Variants in KCNIP4 observed in about 807,000 individuals in gnomAD.
The protein encoded by KCNIP4 is Kv channel-interacting protein 4.
KCNIP4 carries 12 observed loss-of-function variants against 34.0 expected under a neutral mutation model. The ratio of observed to expected loss-of-function variants is 0.35; its 90% CI spans 0.23 to 0.57. The LOEUF is 0.57. KCNIP4 is among the 20% of genes least tolerant of loss of function. The probability of loss-of-function intolerance (pLI) is 0.83; values close to 1 mark genes in which losing one functional copy is unlikely to be tolerated. For missense variants in KCNIP4, 238 were observed against 311.7 expected (o/e 0.76, Z 1.78); for synonymous variants, 124 against 102.2 (o/e 1.21, Z -1.29).
At chr4:21,298,597 C>T (rs16870742) in intron 1 of KCNIP4, among the ~76,000 whole-genome samples, 19,634 of 152,100 alleles carry the variant, frequency 0.13, 1,650 homozygotes, top group African/African-American at 0.24. Flanking sequence ...CAGATCGACT[C>T]TCAGTTTGAG....
intron 1 of KCNIP4, among the ~76,000 whole-genome samples, chr4:21,218,467 T>C (rs1056929537): frequency 1.3e-5 from 2 of 152,166 alleles, no homozygotes; most frequent in Non-Finnish European, 2.9e-5. Context: ...TTATAGATTC[T>C]AGATAAAACT....
At chr4:21,228,928 A>G (rs1383566392) in intron 1 of KCNIP4, among the ~76,000 whole-genome samples, 4 of 152,122 alleles carry the variant, frequency 2.6e-5, no homozygotes, top group African/African-American at 9.7e-5. Flanking sequence ...AGCTCTGAAC[A>G]CACCATTACT....
chr4:21,677,944 G>A (rs1750036614), intron 1 of KCNIP4, among the ~76,000 whole-genome samples: 2 of 152,108 alleles, frequency 1.3e-5, no homozygotes, highest in Non-Finnish European at 2.9e-5. Flanking sequence ...TAGAGACGGG[G>A]TTTCGCCATG....
chr4:21,243,091 A>T (rs2109055657), intron 1 of KCNIP4, among the ~76,000 whole-genome samples: 1 of 152,292 alleles, frequency 6.6e-6, no homozygotes, highest in South Asian at 2.1e-4. Flanking sequence ...TCAGATTTAT[A>T]GATATTATTC....
At chr4:21,099,981 G>A (rs1185580237) in intron 1 of KCNIP4, among the ~76,000 whole-genome samples, 1 of 152,078 alleles carries the variant, frequency 6.6e-6, no homozygotes, top group East Asian at 1.9e-4. Context: ...AAACTACAAT[G>A]GATGAGAAGT....
At chr4:21,704,144 G>C (rs1286670211) in intron 1 of KCNIP4, among the ~76,000 whole-genome samples, 1 of 152,038 alleles carries the variant, frequency 6.6e-6, no homozygotes, top group Admixed American at 6.6e-5. Context: ...CCCAACCTTG[G>C]TGAAGATCTC....
chr4:20,888,018 A>C (rs1320523251), intron 1 of KCNIP4, among the ~76,000 whole-genome samples: 6 of 152,106 alleles, frequency 3.9e-5, no homozygotes, highest in Non-Finnish European at 7.4e-5. Flanking sequence ...TATGAACTCA[A>C]AATAGTCTAT....
At chr4:20,801,414 G>T (rs759990157) in intron 3 of KCNIP4, among the ~76,000 whole-genome samples, 1 of 152,076 alleles carries the variant, frequency 6.6e-6, no homozygotes, top group Non-Finnish European at 1.5e-5. Context: ...TATAATGGTG[G>T]TATGTAAATT....
At chr4:21,103,016 T>A (rs1748082715) in intron 1 of KCNIP4, among the ~76,000 whole-genome samples, 1 of 152,164 alleles carries the variant, frequency 6.6e-6, no homozygotes, top group Non-Finnish European at 1.5e-5. Flanking sequence ...TCTTGTTATA[T>A]ATAAACTCAC....
intron 1 of KCNIP4, among the ~76,000 whole-genome samples, chr4:21,541,925 G>T (rs1423932646): frequency 6.6e-6 from 1 of 152,078 alleles, no homozygotes. Context: ...TTACAGGCAT[G>T]AGCCACCAAG....
chr4:20,819,958 C>T (rs1485696784), intron 3 of KCNIP4, among the ~76,000 whole-genome samples: 1 of 152,190 alleles, frequency 6.6e-6, no homozygotes, highest in Non-Finnish European at 1.5e-5. Context: ...TAGTCTCAGG[C>T]ATTTTGTTAT....
chr4:20,955,566 T>A (rs751875299), intron 1 of KCNIP4, among the ~76,000 whole-genome samples: 39 of 152,120 alleles, frequency 2.6e-4, no homozygotes, highest in Non-Finnish European at 5.3e-4. Flanking sequence ...CTCTTTCAAC[T>A]TGATAAAATG....
At chr4:21,365,485 A>G (rs938783218) in intron 1 of KCNIP4, among the ~76,000 whole-genome samples, 14 of 98,934 alleles carry the variant, frequency 1.4e-4, no homozygotes, top group African/African-American at 6.1e-4. Context: ...CAAAAAATAA[A>G]TAAATAAATA....
intron 1 of KCNIP4, among the ~76,000 whole-genome samples, chr4:21,729,158 C>T (rs995586093): frequency 3.9e-5 from 6 of 152,078 alleles, no homozygotes; most frequent in African/African-American, 9.7e-5. Flanking sequence ...CCTACCCATA[C>T]TGAATACAAT....
intron 1 of KCNIP4, among the ~76,000 whole-genome samples, chr4:21,764,685 G>A (rs905328942): frequency 1.3e-5 from 2 of 152,054 alleles, no homozygotes; most frequent in African/African-American, 4.8e-5. Flanking sequence ...TGGGCCATAG[G>A]GAGGCTTAGA....
chr4:21,010,784 A>C (rs1577529609), intron 1 of KCNIP4, among the ~76,000 whole-genome samples: 1 of 152,352 alleles, frequency 6.6e-6, no homozygotes, highest in Admixed American at 6.5e-5. Context: ...CACAAGATAT[A>C]TTTGAAAGCC....
chr4:21,495,476 T>A (rs1238732382), intron 1 of KCNIP4, among the ~76,000 whole-genome samples: 1 of 152,160 alleles, frequency 6.6e-6, no homozygotes, highest in Admixed American at 6.5e-5. Context: ...GGAGTCTGGA[T>A]CAAACAAGGA....
At chr4:21,744,441 G>A (rs1716635181) in intron 1 of KCNIP4, among the ~76,000 whole-genome samples, 1 of 152,130 alleles carries the variant, frequency 6.6e-6, no homozygotes, top group Non-Finnish European at 1.5e-5. Flanking sequence ...AATATCCAGA[G>A]GTGAGAATTG....
At chr4:21,117,342 T>C (rs9685659) in intron 1 of KCNIP4, among the ~76,000 whole-genome samples, 33 of 139,774 alleles carry the variant, frequency 2.4e-4, no homozygotes, top group Non-Finnish European at 4.4e-4. Context: ...TCTTCCTCGG[T>C]GATTCTCCTA....
Sources: gnomAD v4.1 joint callset for allele counts (sites outside exome capture counted in the v4.1 genomes callset) on GRCh38, gnomAD v4.1.1 for gene constraint, MANE v1.5 for transcripts, NCBI Gene and HGNC (gene_info 2026-07-23, HGNC 2026-07-21) for gene names.